CCDC14: variants seen among roughly 807,000 people sequenced by gnomAD.
CCDC14 encodes coiled-coil domain containing 14, also known as coiled-coil domain-containing protein 14.
CCDC14 carries 71 observed loss-of-function variants against 81.4 expected under a neutral mutation model. That is an observed-to-expected ratio of 0.87 (90% confidence interval 0.72 to 1.06). CCDC14 has a LOEUF of 1.06. Among genes scored for constraint, CCDC14 ranks in the 50% least tolerant of loss-of-function variants. CCDC14 has a pLI of 0.00. For missense variants in CCDC14, 1,046 were observed against 1,047.3 expected, an observed-to-expected ratio of 1.00 and a Z score of 0.02; for synonymous variants, 332 against 364.8, an observed-to-expected ratio of 0.91 and a Z score of 1.03.
the CCDC14 span, among the ~76,000 whole-genome samples, chr3:123,887,810 T>C: frequency 2.0e-5 from 3 of 152,220 alleles, no homozygotes; most frequent in African/African-American, 7.2e-5. Flanking sequence ...TAAATATTTG[T>C]TCTGTTTTGG....
chr3:123,950,536 C>T (rs1375193754), intron 5 of CCDC14, among the ~76,000 whole-genome samples: 4 of 152,252 alleles, frequency 2.6e-5, no homozygotes, highest in Admixed American at 6.5e-5. Flanking sequence ...AACACAAGGG[C>T]GCACAGTGTT....
chr3:123,944,868 C>G lies in CCDC14; in HGVS notation c.1324G>C (p.Glu442Gln). The G allele has an allele frequency of 6.2e-7, 1 of 1,610,406 alleles. No individual in the cohort carries two copies. The highest frequency in any genetic ancestry group is 8.5e-7 in the Non-Finnish European group (1 of 1,177,642). Residue 442 changes from glutamate (E) to glutamine (Q), a missense_variant, in exon 9 of 13, where the codon GAG becomes CAG. Glu to Gln is a conservative substitution (Grantham distance 29). Transcript: ENST00000409697. ...IALAMQPLRS[E>Q]NAQLRRQLRI... ...TCTTACCTTCGTAACTGAGCATTCTCACTTCTTAATGGTTGCATGGCCAGT... is the reference window on the plus strand; with the variant it reads ...TCTTACCTTCGTAACTGAGCATTCTGACTTCTTAATGGTTGCATGGCCAGT...
chr3:123,904,139 T>C (rs182080109), intron 5 of CCDC14, among the ~76,000 whole-genome samples: 29 of 152,298 alleles, frequency 1.9e-4, no homozygotes, highest in Admixed American at 5.2e-4. Context: ...TAACTAGCCA[T>C]TGAAGAGAAT....
In CCDC14 at chr3:123,916,468, T is replaced by TGTGTGTG. The variant is rs1559764283; in HGVS notation, c.1779-751_1779-750insCACACAC. 4.8e-3 allele frequency among the ~76,000 whole-genome samples: 699 copies of TGTGTGTG among 146,172 alleles called. 14 individuals are homozygous for TGTGTGTG. Among genetic ancestry groups the TGTGTGTG allele is most frequent in the Admixed American group, 0.035 (520 of 14,790 alleles). ...TTATTTCCCTTCATTATATATGTGT[T>TGTGTGTG]TGTGTGTGTGTGTGTGTGTGTGTGT... is the stretch of plus-strand genomic sequence containing the variant. On this transcript the variant is annotated intron_variant, in intron 12 of 12. Coordinates refer to ENST00000409697, the MANE Select transcript of CCDC14 (RefSeq NM_001366335.1).
At chr3:123,931,278 T>C in intron 11 of CCDC14, 30 bp downstream of exon 11, 2 of 1,580,256 alleles carry the variant, frequency 1.3e-6, no homozygotes, top group Non-Finnish European at 1.7e-6. Flanking sequence ...TTTTAAAAGA[T>C]GTGACCATAA....
intron 1 of CCDC14, among the ~76,000 whole-genome samples, 175 bp downstream of exon 1, chr3:123,960,969 G>A (rs565376363): frequency 4.6e-5 from 7 of 152,286 alleles, no homozygotes; most frequent in Non-Finnish European, 1.0e-4. Context: ...TCTAGAGACC[G>A]AGCGGCCGTG....
chr3:123,946,315 A>C (rs1182301863), intron 8 of CCDC14, among the ~76,000 whole-genome samples: 2 of 152,114 alleles, frequency 1.3e-5, no homozygotes, highest in African/African-American at 4.8e-5. Context: ...TTTAAGAAAA[A>C]AAGTCCTAAA....
chr3:123,960,819 A>G (rs1339535202), intron 1 of CCDC14, among the ~76,000 whole-genome samples: 1 of 152,190 alleles, frequency 6.6e-6, no homozygotes, highest in East Asian at 1.9e-4. Context: ...AGTAAAAAGT[A>G]GTAGACTCTC....
chr3:123,953,677 C>G (rs922400102), intron 5 of CCDC14: 1 of 152,196 alleles, frequency 6.6e-6, no homozygotes, highest in Non-Finnish European at 1.5e-5. Flanking sequence ...AAGGAAGAAG[C>G]ATGAAGTCAG....
intron 5 of CCDC14, among the ~76,000 whole-genome samples, chr3:123,903,046 C>T (rs1016076655): frequency 7.2e-5 from 11 of 152,068 alleles, no homozygotes; most frequent in African/African-American, 2.7e-4. Flanking sequence ...TCAACTCCCA[C>T]TTATGAGTGA....
chr3:123,938,253 T>C (rs1204907406), intron 9 of CCDC14, among the ~76,000 whole-genome samples: 1 of 151,934 alleles, frequency 6.6e-6, no homozygotes, highest in Non-Finnish European at 1.5e-5. Context: ...CTTACATTTA[T>C]GGATCTGGTT....
chr3:123,944,324 T>C (rs931265447), intron 9 of CCDC14, among the ~76,000 whole-genome samples: 12 of 152,134 alleles, frequency 7.9e-5, no homozygotes, highest in Non-Finnish European at 1.3e-4. Flanking sequence ...CTATAAAATA[T>C]AAGTGGTAGC....
chr3:123,926,046 C>T lies in CCDC14; in HGVS notation c.1778+5056G>A, dbSNP rs75919129. Among the ~76,000 whole-genome samples the T allele has an allele frequency of 3.4e-4, 51 of 151,872 alleles. No individual in the cohort carries two copies. In the East Asian group the frequency reaches 9.3e-3, roughly 28 times the overall value. On this transcript the variant is annotated intron_variant, in intron 12 of 12. Coordinates refer to ENST00000409697, the MANE Select transcript of CCDC14 (RefSeq NM_001366335.1). ...TAATTAATTTGATCAGACTGCATAC[C>T]GAAATTTTTATTTTTGTTTATTTTC...
At chr3:123,946,012 T>C (rs2036604817) in intron 8 of CCDC14, among the ~76,000 whole-genome samples, 1 of 152,172 alleles carries the variant, frequency 6.6e-6, no homozygotes, top group African/African-American at 2.4e-5. Context: ...GTATTATTAT[T>C]ATTACCATGA....
At chr3:123,928,722 T>TA (rs773540642) in intron 12 of CCDC14, among the ~76,000 whole-genome samples, 2 of 152,126 alleles carry the variant, frequency 1.3e-5, no homozygotes, top group Non-Finnish European at 2.9e-5. Flanking sequence ...ACCTCCCAGG[T>TA]AAAAAAATTA....
intron 12 of CCDC14, among the ~76,000 whole-genome samples, chr3:123,916,487 T>C: frequency 6.6e-6 from 1 of 151,730 alleles, no homozygotes; most frequent in Admixed American, 6.6e-5. Context: ...TGTGTGTGTG[T>C]GTGTGTGTGT....
chr3:123,911,053 G>A (rs527598220), downstream of CCDC14, among the ~76,000 whole-genome samples: 4 of 152,162 alleles, frequency 2.6e-5, no homozygotes, highest in Admixed American at 2.0e-4. Flanking sequence ...TGGGCAAAAG[G>A]CCGTCCAGGT....
Position 123,939,750 on chromosome 3 carries a change from T to G in CCDC14, c.1343+5099A>C, listed in dbSNP as rs544753333. The stretch of plus-strand genomic sequence containing the variant: ...TTGTTAGAGTGAGTGTTAGGCACAA[T>G]TCCTAGCACTAGAAATATAGTTGCA... On this transcript the variant is annotated intron_variant, in intron 9 of 12. Transcript: ENST00000409697. Among the ~76,000 whole-genome samples, 4 of 151,984 alleles carry G rather than the reference T, an allele frequency of 2.6e-5. No individual in the cohort carries two copies. The East Asian group carries it at 7.7e-4, about 29-fold the overall frequency.
At chr3:123,952,410 C>T (rs2037070252) in intron 5 of CCDC14, among the ~76,000 whole-genome samples, 1 of 152,152 alleles carries the variant, frequency 6.6e-6, no homozygotes, top group South Asian at 2.1e-4. Flanking sequence ...AAGATGAAGA[C>T]AGCAATGTAT....
Sources: allele counts gnomAD v4.1 joint callset (sites outside exome capture counted in the v4.1 genomes callset), GRCh38; gene constraint gnomAD v4.1.1; transcripts MANE v1.5; gene names NCBI Gene and HGNC (gene_info 2026-07-23, HGNC 2026-07-21).